Variants in SPINT2 observed in about 807,000 individuals in gnomAD.
The protein encoded by SPINT2 is kunitz-type protease inhibitor 2.
A neutral mutation model predicts 30.1 loss-of-function variants in SPINT2; 18 were observed. That is an observed-to-expected ratio of 0.60 (90% confidence interval 0.41 to 0.89). The LOEUF is 0.89. SPINT2 is among the 40% of genes least tolerant of loss of function. SPINT2 has a pLI of 0.00. For synonymous variants in SPINT2, 139 were observed against 137.9 expected (o/e 1.01, Z -0.05); for missense variants, 276 against 334.3 (o/e 0.83, Z 1.36).
At chr19:38,278,818 A>G (rs1331922880) in intron 1 of SPINT2, among the ~76,000 whole-genome samples, 3 of 152,062 alleles carry the variant, frequency 2.0e-5, no homozygotes, top group Non-Finnish European at 4.4e-5. Context: ...AATAAATACA[A>G]GGTTTTTGCA....
In SPINT2 at chr19:38,291,837, C is replaced by T. The variant is rs1193070297; in HGVS notation, c.593-3C>T. On this transcript the variant is annotated splice_region_variant and splice_polypyrimidine_tract_variant and intron_variant, in intron 6 of 6. Transcript: ENST00000301244. ...CGTCCTGAGGCCCCTCTCTCGTCCTCAGTGGTGGTTCTGGCGGGGCTGTTC... is the reference window on the plus strand; with the variant it reads ...CGTCCTGAGGCCCCTCTCTCGTCCTTAGTGGTGGTTCTGGCGGGGCTGTTC... 5.0e-6 allele frequency: 8 copies of T among 1,612,282 alleles called. No homozygotes were observed. The highest frequency in any genetic ancestry group is 6.8e-6 in the Non-Finnish European group (8 of 1,179,846).
intron 1 of SPINT2, among the ~76,000 whole-genome samples, chr19:38,268,777 G>T (rs954532312): frequency 2.6e-5 from 4 of 152,096 alleles, no homozygotes; most frequent in African/African-American, 9.7e-5. Context: ...GTGTGTGTGT[G>T]TGTGTGTGTG....
chr19:38,277,755 G>C (rs1325862750), intron 1 of SPINT2, among the ~76,000 whole-genome samples: 1 of 152,166 alleles, frequency 6.6e-6, no homozygotes, highest in Non-Finnish European at 1.5e-5. Flanking sequence ...CGAGGATTTT[G>C]TAAGTGAGGT....
chr19:38,290,941 C>G lies in SPINT2; in HGVS notation c.592+366C>G, dbSNP rs1008787508. ...TCACGGGTGACAGGACGGAGGACCA[C>G]GGGCCAGGGTGTTTCCCAACACAGT... On this transcript the variant is annotated intron_variant, in intron 6 of 6. Transcript: ENST00000301244. The surrounding 1 kb of genome is among the most constrained non-coding windows in gnomAD (Gnocchi z 4.3). 1 of 385,040 alleles carries G rather than the reference C, an allele frequency of 2.6e-6. No individual in the cohort carries two copies. Among genetic ancestry groups the G allele is most frequent in the Non-Finnish European group, 5.0e-6 (1 of 201,682 alleles). 23.9% of individuals were successfully genotyped at this position (385,040 alleles called of 1,614,324 possible).
chr19:38,285,383 C>T lies in SPINT2; in HGVS notation c.277+1586C>T, dbSNP rs1424136764. Among the ~76,000 whole-genome samples the T allele has an allele frequency of 2.0e-5, 3 of 152,170 alleles. No homozygotes were observed. In the South Asian group the frequency reaches 6.2e-4, roughly 31 times the overall value. On this transcript the variant is annotated intron_variant, in intron 2 of 6. Transcript: ENST00000301244. ...TTTTCTTTTTTTCTCGCTTAGTCGC[C>T]TACCAGGCTGGAGTGCAGTGATGTG...
chr19:38,271,733 C>T (rs959951237), intron 1 of SPINT2, among the ~76,000 whole-genome samples: 3 of 151,108 alleles, frequency 2.0e-5, no homozygotes, highest in Non-Finnish European at 4.4e-5. Flanking sequence ...GCAGGAGAAT[C>T]GCTTGAACTC....
At chr19:38,283,129 T>G (rs1404139479) in intron 1 of SPINT2, among the ~76,000 whole-genome samples, 2 of 151,546 alleles carry the variant, frequency 1.3e-5, no homozygotes, top group Non-Finnish European at 2.9e-5. Context: ...CTGGGCAACA[T>G]GGTGAAACTC....
At chr19:38,289,367 C>G (rs1968683163) in intron 4 of SPINT2, 176 bp downstream of exon 4, 1 of 552,066 alleles carries the variant, frequency 1.8e-6, no homozygotes, top group African/African-American at 1.9e-5. Flanking sequence ...ACCTGTAGTC[C>G]CAGCTACTCA....
At chr19:38,282,813 C>A (rs1185352534) in intron 1 of SPINT2, among the ~76,000 whole-genome samples, 1 of 152,194 alleles carries the variant, frequency 6.6e-6, no homozygotes, top group African/African-American at 2.4e-5. Flanking sequence ...ATTTGAGTGT[C>A]CTGTGGCCTG....
chr19:38,271,044 G>C (rs574149538), intron 1 of SPINT2, among the ~76,000 whole-genome samples: 59 of 152,370 alleles, frequency 3.9e-4, no homozygotes, highest in Admixed American at 1.2e-3. Context: ...TCCCTGTAAA[G>C]AAGTGCTGAT....
At chr19:38,282,572 C>G (rs1600344699) in intron 1 of SPINT2, among the ~76,000 whole-genome samples, 1 of 152,232 alleles carries the variant, frequency 6.6e-6, no homozygotes, top group African/African-American at 2.4e-5. Flanking sequence ...GCGTACCGAC[C>G]TTTTGCAAGA....
chr19:38,289,495 A>ACAAC (rs1166655935), intron 4 of SPINT2: 1 of 233,346 alleles, frequency 4.3e-6, no homozygotes, highest in African/African-American at 2.3e-5. Flanking sequence ...AAAAAAAAAA[A>ACAAC]AAAAAAAAAA....
intron 3 of SPINT2, chr19:38,288,694 G>A (rs1568343887): frequency 4.4e-6 from 1 of 226,392 alleles, no homozygotes; most frequent in South Asian, 5.9e-5. Context: ...GTGCTGGGGC[G>A]TTAGGGTGGT....
intron 1 of SPINT2, among the ~76,000 whole-genome samples, chr19:38,279,685 G>A (rs1180305183): frequency 6.6e-6 from 1 of 152,060 alleles, no homozygotes; most frequent in Non-Finnish European, 1.5e-5. Flanking sequence ...ACTGAGCGTT[G>A]CTCTGTCGCC....
At position 38,264,764 on chromosome 19, in the gene SPINT2, A is replaced by G; in HGVS notation, c.-129A>G. ...TTCCGGGGGCTTTGGCACCTGGCGG[A>G]CCCTCCCGGAGCGTCGGCACCTGAA... On this transcript the variant is annotated 5_prime_UTR_variant, in exon 1 of 7. Coordinates refer to ENST00000301244, the MANE Select transcript of SPINT2 (RefSeq NM_021102.4). 1.0e-6 allele frequency: 1 copy of G among 976,956 alleles called. No individual in the cohort carries two copies. The highest frequency in any genetic ancestry group is 2.4e-5 in the Admixed American group (1 of 42,514). 60.5% of individuals were successfully genotyped at this position (976,956 alleles called of 1,614,324 possible).
At chr19:38,267,696 G>T (rs1030136857) in intron 1 of SPINT2, among the ~76,000 whole-genome samples, 1 of 152,040 alleles carries the variant, frequency 6.6e-6, no homozygotes, top group African/African-American at 2.4e-5. Flanking sequence ...TTGGGACCTA[G>T]AGGTCAGAGG....
rs1371122944 is a variant in SPINT2, at chr19:38,292,579, T to C, written c.*573T>C. The C allele has an allele frequency of 6.5e-6, 1 of 153,378 alleles. No individual in the cohort carries two copies. Among genetic ancestry groups the C allele is most frequent in the African/African-American group, 2.4e-5 (1 of 41,482 alleles). The allele number at this position is 153,378 out of a possible 1,614,324, so 9.5% of individuals were successfully genotyped here. A position where few individuals can be genotyped will look rare whatever the true frequency, so the allele number is the denominator to read the frequency against. On this transcript the variant is annotated 3_prime_UTR_variant, in exon 7 of 7. Transcript: ENST00000301244. ...ATAGCGTCTTTCAGATCTTTTTGAA[T>C]GAATCCACAAGATGAAATAAATGTC...
chr19:38,273,348 T>C (rs962880892), intron 1 of SPINT2, among the ~76,000 whole-genome samples: 2 of 152,164 alleles, frequency 1.3e-5, no homozygotes, highest in Non-Finnish European at 2.9e-5. Context: ...ACACAGTAAA[T>C]GTCACCTTTG....
chr19:38,283,900 G>A, intron 2 of SPINT2, 103 bp downstream of exon 2: 2 of 1,360,892 alleles, frequency 1.5e-6, no homozygotes, highest in Non-Finnish European at 2.0e-6. Flanking sequence ...GGAGTGCAGT[G>A]GCGCGATCTT....
Sources: allele counts gnomAD v4.1 joint callset (sites outside exome capture counted in the v4.1 genomes callset), GRCh38; gene constraint gnomAD v4.1.1; non-coding constraint Gnocchi (gnomAD v3.1); transcripts MANE v1.5; gene names NCBI Gene and HGNC (gene_info 2026-07-23, HGNC 2026-07-21).